Variants in SOS2 observed in about 807,000 individuals in gnomAD.
SOS2 encodes the protein SOS Ras/Rho guanine nucleotide exchange factor 2.
Under a neutral mutation model 148.2 loss-of-function variants are expected in SOS2, and 65 were observed. The ratio of observed to expected loss-of-function variants is 0.44; its 90% CI spans 0.36 to 0.54. The LOEUF (loss-of-function observed/expected upper bound fraction) is 0.54. SOS2 is among the 20% of genes least tolerant of loss of function. The probability of loss-of-function intolerance (pLI) is 0.00; values close to 1 mark genes in which losing one functional copy is unlikely to be tolerated. For missense variants in SOS2, 1,341 were observed against 1,590.2 expected, an observed-to-expected ratio of 0.84 and a Z score of 2.67; for synonymous variants, 539 against 537.1, an observed-to-expected ratio of 1.00 and a Z score of -0.05.
intron 19 of SOS2, among the ~76,000 whole-genome samples, chr14:50,133,773 T>C (rs747682868): frequency 6.6e-6 from 1 of 152,178 alleles, no homozygotes; most frequent in Non-Finnish European, 1.5e-5. Context: ...GCAGAAGTCA[T>C]ATCAAGTCAC....
At chr14:50,207,791 A>G (rs1334589567) in intron 1 of SOS2, among the ~76,000 whole-genome samples, 1 of 151,332 alleles carries the variant, frequency 6.6e-6, no homozygotes, top group Non-Finnish European at 1.5e-5. Context: ...TTGTAATCTT[A>G]GCTACTTGGG....
intron 16 of SOS2, 44 bp downstream of exon 16, chr14:50,145,126 T>A (rs1239416415): frequency 3.3e-6 from 4 of 1,195,034 alleles, no homozygotes; most frequent in Non-Finnish European, 4.5e-6. Context: ...TATGCTAATT[T>A]CATCATCCCC....
At chr14:50,224,898 AG>A (rs1887321807) in intron 1 of SOS2, among the ~76,000 whole-genome samples, 1 of 149,204 alleles carries the variant, frequency 6.7e-6, no homozygotes, top group Non-Finnish European at 1.5e-5. Flanking sequence ...AAAAAAAAAA[AG>A]AGAGAGAGAG....
At chr14:50,216,807 G>C (rs987519357) in intron 1 of SOS2, among the ~76,000 whole-genome samples, 5 of 152,100 alleles carry the variant, frequency 3.3e-5, no homozygotes, top group African/African-American at 1.2e-4. Flanking sequence ...ACTGCTGATA[G>C]GAATTAAAGA....
At chr14:50,135,506 A>C (rs1009012184) in intron 18 of SOS2, among the ~76,000 whole-genome samples, 1 of 150,452 alleles carries the variant, frequency 6.6e-6, no homozygotes, top group African/African-American at 2.4e-5. Flanking sequence ...TTTACTGTGC[A>C]TGTAAATATA....
At chr14:50,170,048 C>T (rs1594989116) in intron 8 of SOS2, among the ~76,000 whole-genome samples, 3 of 151,920 alleles carry the variant, frequency 2.0e-5, no homozygotes, top group Admixed American at 1.3e-4. Context: ...GCCTCAGCCT[C>T]CCTAGTAGCC....
chr14:50,202,544 C>T (rs1047335352), intron 2 of SOS2, among the ~76,000 whole-genome samples: 8 of 151,836 alleles, frequency 5.3e-5, no homozygotes, highest in African/African-American at 1.2e-4. Flanking sequence ...AACCAGCATG[C>T]GCAATGTAGG....
chr14:50,125,608 C>CCAAATGT (rs5808535), intron 21 of SOS2, among the ~76,000 whole-genome samples: 131,716 of 151,604 alleles, frequency 0.87, 57,298 homozygotes, highest in East Asian at 0.92. Flanking sequence ...AAGATGAAAC[C>CCAAATGT]CTACAGAGAG....
intron 5 of SOS2, among the ~76,000 whole-genome samples, chr14:50,184,148 CACTG>C (rs1281114023): frequency 6.6e-6 from 1 of 152,148 alleles, no homozygotes; most frequent in Non-Finnish European, 1.5e-5. Context: ...ATAGTCTTAT[CACTG>C]ACTAAAACAT....
At chr14:50,137,872 C>G (rs956999189) in intron 18 of SOS2, among the ~76,000 whole-genome samples, 6 of 152,166 alleles carry the variant, frequency 3.9e-5, no homozygotes, top group Non-Finnish European at 7.3e-5. Flanking sequence ...CGGAGTCTCC[C>G]TCTGTCACCC....
At chr14:50,136,112 A>G (rs1157944267) in intron 18 of SOS2, among the ~76,000 whole-genome samples, 1 of 152,226 alleles carries the variant, frequency 6.6e-6, no homozygotes, top group Non-Finnish European at 1.5e-5. Flanking sequence ...TCTTTTAACA[A>G]TACTGAAACA....
intron 19 of SOS2, among the ~76,000 whole-genome samples, chr14:50,133,565 C>T (rs1372201923): frequency 1.3e-5 from 2 of 152,180 alleles, no homozygotes; most frequent in Non-Finnish European, 2.9e-5. Context: ...CATGAAACTA[C>T]CTGACTTCCT....
At chr14:50,199,402 T>C (rs977306131) in intron 4 of SOS2, among the ~76,000 whole-genome samples, 1 of 152,220 alleles carries the variant, frequency 6.6e-6, no homozygotes, top group Admixed American at 6.5e-5. Flanking sequence ...TAGAACTCTA[T>C]ATATTCTCTT....
chr14:50,143,744 T>C (rs1286576700), intron 16 of SOS2, among the ~76,000 whole-genome samples: 1 of 151,766 alleles, frequency 6.6e-6, no homozygotes, highest in Non-Finnish European at 1.5e-5. Flanking sequence ...CCAGCCTCAC[T>C]AGTTATTTTT....
chr14:50,207,900 C>CAA (rs1400848534), intron 1 of SOS2, among the ~76,000 whole-genome samples: 55 of 81,350 alleles, frequency 6.8e-4, no homozygotes, highest in African/African-American at 2.3e-3. Context: ...GACTCCATCT[C>CAA]AAAAAAAAAA....
At chr14:50,205,159 C>T (rs112939346) in intron 1 of SOS2, among the ~76,000 whole-genome samples, 5 of 152,262 alleles carry the variant, frequency 3.3e-5, no homozygotes, top group African/African-American at 9.6e-5. Context: ...AAGCAACCCT[C>T]CCACCTCAGT....
At chr14:50,223,809 T>TG (rs1269594955) in intron 1 of SOS2, among the ~76,000 whole-genome samples, 1 of 152,038 alleles carries the variant, frequency 6.6e-6, no homozygotes, top group Non-Finnish European at 1.5e-5. Flanking sequence ...GCTGTGATCT[T>TG]GCCACTGCAC....
At chr14:50,209,893 A>G (rs1409691494) in intron 1 of SOS2, among the ~76,000 whole-genome samples, 1 of 152,344 alleles carries the variant, frequency 6.6e-6, no homozygotes, top group Non-Finnish European at 1.5e-5. Flanking sequence ...ATGAAAGATG[A>G]TACCATGTTG....
At chr14:50,189,280 G>A (rs1886035381) in intron 4 of SOS2, among the ~76,000 whole-genome samples, 1 of 115,132 alleles carries the variant, frequency 8.7e-6, no homozygotes, top group South Asian at 2.8e-4. Flanking sequence ...TAATACATAT[G>A]TATATGTATA....
Sources: gnomAD v4.1 joint callset for allele counts (sites outside exome capture counted in the v4.1 genomes callset) on GRCh38, gnomAD v4.1.1 for gene constraint, MANE v1.5 for transcripts, NCBI Gene and HGNC (gene_info 2026-07-23, HGNC 2026-07-21) for gene names.